Variants in OPTN observed in about 807,000 individuals in gnomAD.
The protein encoded by OPTN is E3-14.7K-interacting protein.
OPTN carries 54 observed loss-of-function variants against 70.4 expected under a neutral mutation model. The ratio of observed to expected loss-of-function variants is 0.77; its 90% CI spans 0.62 to 0.96. OPTN has a LOEUF of 0.96. OPTN is among the 40% of genes least tolerant of loss of function. The pLI is 0.00. For missense variants in OPTN, 624 were observed against 673.2 expected (o/e 0.93, Z 0.81); for synonymous variants, 256 against 248.5 (o/e 1.03, Z -0.28).
chr10:13,127,601 C>T, intron 11 of OPTN, 144 bp from the exon 12 acceptor site: 1 of 850,374 alleles, frequency 1.2e-6, no homozygotes, highest in Non-Finnish European at 1.9e-6. Flanking sequence ...AAACGATCCT[C>T]CCACCTCAGC....
intron 5 of OPTN, among the ~76,000 whole-genome samples, chr10:13,115,639 T>C (rs967386394): frequency 2.9e-5 from 4 of 139,136 alleles, no homozygotes; most frequent in African/African-American, 7.9e-5. Flanking sequence ...TATCTAAATA[T>C]ATTATATATA....
rs374055453 is a variant in OPTN, at chr10:13,109,193, C to G, written c.71C>G (p.Pro24Arg). The G allele has an allele frequency of 6.2e-7, 1 of 1,613,782 alleles. No homozygotes were observed. Among genetic ancestry groups the G allele is most frequent in the African/African-American group, 1.3e-5 (1 of 74,850 alleles). Reference sequence around the variant, plus strand: ...CCCAGTGAAAGCACAGGAAATGGACCCCCCCACCTGGCCCACCCAAACCTG... The same window carrying G: ...CCCAGTGAAAGCACAGGAAATGGACGCCCCCACCTGGCCCACCCAAACCTG... ...DSPSESTGNG[P>R]PHLAHPNLDT... is the part of the protein sequence containing the mutation. Residue 24 changes from proline (P) to arginine (R), a missense_variant, in exon 3 of 15, where the codon CCC (proline) becomes CGC (arginine). By Grantham distance (103) the Pro-to-Arg change is moderately radical (BLOSUM62 -2). Transcript: ENST00000378747.
In OPTN at chr10:13,137,171, C is replaced by G. The variant is rs1264336712; in HGVS notation, c.*305C>G. 7.0e-6 allele frequency: 3 copies of G among 431,428 alleles called. No individual in the cohort carries two copies. The highest frequency in any genetic ancestry group is 1.3e-5 in the Non-Finnish European group (3 of 228,610). The allele number at this position is 431,428 out of a possible 1,614,324, so 26.7% of individuals were successfully genotyped here. A position where few individuals can be genotyped will look rare whatever the true frequency, so the allele number is the denominator to read the frequency against. On this transcript the variant is annotated 3_prime_UTR_variant, in exon 15 of 15. Transcript: ENST00000378747. ...GCGCATGCCTGTAGTCGCAGCTACT[C>G]GCGAGGTTGAGGCAGGAGAATTGCT...
chr10:13,132,868 A>G (rs989880494), intron 13 of OPTN, among the ~76,000 whole-genome samples: 4 of 152,170 alleles, frequency 2.6e-5, no homozygotes, highest in Non-Finnish European at 5.9e-5. Flanking sequence ...AGACTCTACT[A>G]TGTACTCCTT....
chr10:13,109,267 A>T lies in OPTN; in HGVS notation c.145A>T (p.Thr49Ser). Reference protein sequence around the residue: ...ELLQQMKELLTENHQLKEAMK... With the variant: ...ELLQQMKELLSENHQLKEAMK... Reference sequence around the variant, plus strand: ...GCTGCAGCAGATGAAAGAGCTCCTGACCGAGAACCACCAGCTGAAAGGTGA... The same window carrying T: ...GCTGCAGCAGATGAAAGAGCTCCTGTCCGAGAACCACCAGCTGAAAGGTGA... The change falls in exon 3 of 15, where the codon ACC becomes TCC. Residue 49 changes from threonine to serine, a missense_variant. Transcript: ENST00000378747. The T allele has an allele frequency of 6.2e-7, 1 of 1,613,876 alleles. No homozygotes were observed. Among genetic ancestry groups the T allele is most frequent in the Middle Eastern group, 1.6e-4 (1 of 6,062 alleles).
chr10:13,124,195 CTATGT>C (rs1453455598), intron 9 of OPTN, 85 bp downstream of exon 9: 8 of 780,290 alleles, frequency 1.0e-5, no homozygotes, highest in African/African-American at 1.7e-5. Flanking sequence ...AGTTTTTTAA[CTATGT>C]TATGACTAAA....
At chr10:13,126,250 G>A (rs1285083052) in intron 11 of OPTN, among the ~76,000 whole-genome samples, 4 of 150,938 alleles carry the variant, frequency 2.7e-5, no homozygotes, top group Non-Finnish European at 4.4e-5. Context: ...TGATGTGAAT[G>A]TCCTATGGTC....
intron 8 of OPTN, 97 bp from the exon 9 acceptor site, chr10:13,123,898 A>T: frequency 1.2e-6 from 1 of 816,726 alleles, no homozygotes; most frequent in Non-Finnish European, 2.1e-6. Flanking sequence ...GCCAGTCTTA[A>T]TTGGCTACTA....
At chr10:13,111,378 A>G (rs1832990897) in intron 4 of OPTN, among the ~76,000 whole-genome samples, 1 of 152,196 alleles carries the variant, frequency 6.6e-6, no homozygotes. Flanking sequence ...AATAATGTAA[A>G]AATTTCCATT....
intron 1 of OPTN, among the ~76,000 whole-genome samples, chr10:13,104,355 GT>G (rs1832816074): frequency 7.0e-6 from 1 of 142,132 alleles, no homozygotes; most frequent in Non-Finnish European, 1.5e-5. Context: ...TGCCTCCCAG[GT>G]TCAAGCGATT....
In OPTN at chr10:13,109,195, C is replaced by T. The variant is rs1215499993; in HGVS notation, c.73C>T (p.Pro25Ser). ...CAGTGAAAGCACAGGAAATGGACCCCCCCACCTGGCCCACCCAAACCTGGA... is the reference window on the plus strand; with the variant it reads ...CAGTGAAAGCACAGGAAATGGACCCTCCCACCTGGCCCACCCAAACCTGGA... ...SPSESTGNGP[P>S]HLAHPNLDTF... The change falls in exon 3 of 15, where the codon CCC (proline) becomes TCC (serine). Residue 25 changes from proline (P) to serine (S), a missense_variant. By Grantham distance (74) the Pro-to-Ser change is moderately conservative (BLOSUM62 -1). Transcript: ENST00000378747. The T allele has an allele frequency of 1.9e-6, 3 of 1,613,914 alleles. No individual in the cohort carries two copies. Among genetic ancestry groups the T allele is most frequent in the African/African-American group, 2.7e-5 (2 of 74,890 alleles).
At chr10:13,115,608 A>G (rs1300642081) in intron 5 of OPTN, among the ~76,000 whole-genome samples, 1 of 134,728 alleles carries the variant, frequency 7.4e-6, no homozygotes, top group African/African-American at 2.8e-5. Flanking sequence ...TATTTATATA[A>G]TATATATTTC....
intron 14 of OPTN, among the ~76,000 whole-genome samples, chr10:13,133,913 G>C (rs949242860): frequency 6.6e-6 from 1 of 151,948 alleles, no homozygotes; most frequent in African/African-American, 2.4e-5. Context: ...TGTTCAAACG[G>C]TTCTCCTTCC....
At chr10:13,117,446 T>G (rs1342491419) in intron 6 of OPTN, among the ~76,000 whole-genome samples, 10 of 36,538 alleles carry the variant, frequency 2.7e-4, no homozygotes, top group Non-Finnish European at 3.6e-4. Flanking sequence ...GGAGTTTTTT[T>G]TTTTTTTTTT....
In OPTN at chr10:13,109,169, C is replaced by T. The variant is rs1346163805; in HGVS notation, c.47C>T (p.Pro16Leu). The change falls in exon 3 of 15, where the codon CCC becomes CTC. Residue 16 changes from proline (P) to leucine (L), a missense_variant. Physicochemically the swap from Pro to Leu is moderately conservative, Grantham distance 98. Coordinates refer to ENST00000378747, the MANE Select transcript of OPTN (RefSeq NM_001008212.2). ...LSCLTEKEDS[P>L]SESTGNGPPH... ...TGCCTCACTGAAAAGGAGGACAGCC[C>T]CAGTGAAAGCACAGGAAATGGACCC... 6.2e-7 allele frequency: 1 copy of T among 1,613,920 alleles called. No individual in the cohort carries two copies. Among genetic ancestry groups the T allele is most frequent in the East Asian group, 2.2e-5 (1 of 44,874 alleles).
chr10:13,110,576 G>A lies in OPTN; in HGVS notation c.369+100G>A. Reference sequence around the variant, plus strand: ...GACTCCTAGATCAAAACCTTTCATGGTTCAGTCTGGATTGGTGTTTTGCCT... The same window carrying A: ...GACTCCTAGATCAAAACCTTTCATGATTCAGTCTGGATTGGTGTTTTGCCT... On this transcript the variant is annotated intron_variant, in intron 4 of 14. Coordinates refer to ENST00000378747, the MANE Select transcript of OPTN (RefSeq NM_001008212.2). 4 of 1,212,116 alleles carry A rather than the reference G, an allele frequency of 3.3e-6. No individual in the cohort carries two copies. The South Asian group carries it at 5.3e-5, about 16-fold the overall frequency. The allele number at this position is 1,212,116 out of a possible 1,614,324, so 75.1% of individuals were successfully genotyped here.
In OPTN at chr10:13,115,296, AAT is replaced by A. The variant is rs1478094621; in HGVS notation, c.553-965_553-964del. 9.0e-4 allele frequency among the ~76,000 whole-genome samples: 55 copies of A among 61,444 alleles called. 1 individual carries two copies. Among genetic ancestry groups the A allele is most frequent in the African/African-American group, 3.9e-3 (49 of 12,518 alleles). 40.3% of individuals were successfully genotyped at this position (61,444 alleles called of 152,430 possible). ...AATGAATACATATAATATATTCTAT[AAT>A]ATATAATATATAATATAACATAGAA... On this transcript the variant is annotated intron_variant, in intron 5 of 14. Transcript: ENST00000378747.
At chr10:13,128,552 A>AT (rs1296385130) in intron 12 of OPTN, among the ~76,000 whole-genome samples, 2 of 29,296 alleles carry the variant, frequency 6.8e-5, no homozygotes, top group Non-Finnish European at 1.3e-4. Context: ...TTTGCCTGGC[A>AT]TTTTTTTTGA....
chr10:13,104,387 T>C (rs1832817275), intron 1 of OPTN, among the ~76,000 whole-genome samples: 1 of 149,866 alleles, frequency 6.7e-6, no homozygotes, highest in Admixed American at 6.7e-5. Context: ...AGCTCCCGAG[T>C]AGCTGGGACT....
Sources: allele counts gnomAD v4.1 joint callset (sites outside exome capture counted in the v4.1 genomes callset), GRCh38; gene constraint gnomAD v4.1.1; transcripts MANE v1.5; gene names NCBI Gene and HGNC (gene_info 2026-07-23, HGNC 2026-07-21).